ACBD6: variants seen among roughly 807,000 people sequenced by gnomAD.
The protein encoded by ACBD6 is acyl-CoA binding domain containing 6, also known as acyl-CoA-binding domain-containing protein 6.
A neutral mutation model predicts 37.2 loss-of-function variants in ACBD6; 28 were observed. The observed-to-expected ratio is 0.75, with a 90% CI of 0.56 to 1.03. The LOEUF (loss-of-function observed/expected upper bound fraction) is 1.03. Ranked by LOEUF, ACBD6 falls within the 50% of genes least tolerant of loss-of-function variation. The pLI is 0.00. For synonymous variants in ACBD6, 113 were observed against 126.8 expected (o/e 0.89, Z 0.73); for missense variants, 340 against 337.4 (o/e 1.01, Z -0.06).
At chr1:180,403,684 T>A (rs1429245978) in intron 5 of ACBD6, among the ~76,000 whole-genome samples, 1 of 152,174 alleles carries the variant, frequency 6.6e-6, no homozygotes, top group Non-Finnish European at 1.5e-5. Context: ...AAGGTGTCCA[T>A]CAATGGATAT....
chr1:180,336,251 CATAG>C (rs1366649939), intron 6 of ACBD6, among the ~76,000 whole-genome samples: 5 of 147,976 alleles, frequency 3.4e-5, no homozygotes, highest in African/African-American at 1.3e-4. Context: ...AAACTGATCA[CATAG>C]TTGGAAGTAA....
intron 3 of ACBD6, among the ~76,000 whole-genome samples, chr1:180,446,017 G>A (rs1228910823): frequency 6.6e-6 from 1 of 150,892 alleles, no homozygotes; most frequent in African/African-American, 2.4e-5. Context: ...ACTTTTTTTT[G>A]GGGGGGATGG....
At chr1:180,389,813 T>C (rs575915928) in intron 6 of ACBD6, among the ~76,000 whole-genome samples, 2 of 152,346 alleles carry the variant, frequency 1.3e-5, no homozygotes, top group Admixed American at 1.3e-4. Context: ...TTGAGAAGTG[T>C]CTGTTCATGT....
At chr1:180,415,944 G>A (rs147271310) in intron 4 of ACBD6, among the ~76,000 whole-genome samples, 291 of 152,102 alleles carry the variant, frequency 1.9e-3, no homozygotes, top group African/African-American at 6.5e-3. Context: ...TTTGTTTATC[G>A]TATATAGTTT....
intron 2 of ACBD6, among the ~76,000 whole-genome samples, chr1:180,494,988 T>C (rs536193747): frequency 6.6e-6 from 1 of 152,282 alleles, no homozygotes; most frequent in African/African-American, 2.4e-5. Flanking sequence ...TAAGCAGTTA[T>C]TTACTGTGGC....
intron 4 of ACBD6, among the ~76,000 whole-genome samples, chr1:180,415,194 C>T (rs1041869627): frequency 1.3e-5 from 2 of 151,980 alleles, no homozygotes; most frequent in African/African-American, 4.8e-5. Flanking sequence ...GTCAGGAGTT[C>T]GAAACTAGCC....
intron 7 of ACBD6, among the ~76,000 whole-genome samples, chr1:180,304,320 C>T (rs1650258815): frequency 6.6e-6 from 1 of 150,650 alleles, no homozygotes; most frequent in Admixed American, 6.6e-5. Flanking sequence ...TCAAATTGTC[C>T]CTGTTTGCAG....
intron 5 of ACBD6, among the ~76,000 whole-genome samples, chr1:180,407,870 C>T (rs1647688435): frequency 6.6e-6 from 1 of 152,130 alleles, no homozygotes; most frequent in African/African-American, 2.4e-5. Flanking sequence ...TATTAACAGG[C>T]ACCATATAGT....
exon 10 of ACBD6, chr1:180,274,749 G>T (rs966247344): frequency 2.7e-6 from 2 of 744,498 alleles, no homozygotes; most frequent in Admixed American, 2.9e-5. Context: ...CTAGGGCATT[G>T]TTTCCCTGGG....
chr1:180,320,100 G>A (rs972417139), intron 6 of ACBD6, among the ~76,000 whole-genome samples: 3 of 152,140 alleles, frequency 2.0e-5, no homozygotes, highest in African/African-American at 4.8e-5. Flanking sequence ...CATAGTGGCT[G>A]TACTAATTTA....
intron 3 of ACBD6, among the ~76,000 whole-genome samples, chr1:180,479,231 A>ATTT (rs1650926848): frequency 6.6e-6 from 1 of 152,250 alleles, no homozygotes; most frequent in African/African-American, 2.4e-5. Flanking sequence ...AATGGCAAAG[A>ATTT]TAAAAAGTCA....
At chr1:180,444,252 C>G (rs957661706) in intron 3 of ACBD6, among the ~76,000 whole-genome samples, 4 of 150,702 alleles carry the variant, frequency 2.7e-5, no homozygotes, top group African/African-American at 9.8e-5. Flanking sequence ...CCACTGCACT[C>G]CAGTCTGGGC....
chr1:180,333,200 A>G (rs1651556041), intron 6 of ACBD6, among the ~76,000 whole-genome samples: 1 of 152,230 alleles, frequency 6.6e-6, no homozygotes, highest in Non-Finnish European at 1.5e-5. Flanking sequence ...ATTATACGTA[A>G]CATAATTTTA....
At chr1:180,476,695 G>A (rs181533333) in intron 3 of ACBD6, among the ~76,000 whole-genome samples, 68 of 152,088 alleles carry the variant, frequency 4.5e-4, no homozygotes, top group Admixed American at 6.5e-4. Flanking sequence ...GCGTGGTGGC[G>A]GGCACCTGTA....
At chr1:180,341,620 G>A (rs1411494013) in intron 6 of ACBD6, among the ~76,000 whole-genome samples, 2 of 151,982 alleles carry the variant, frequency 1.3e-5, no homozygotes, top group African/African-American at 4.8e-5. Context: ...TCATGAAAGC[G>A]TTGTCTATAC....
chr1:180,386,923 T>C (rs1653867595), intron 6 of ACBD6, among the ~76,000 whole-genome samples: 1 of 152,324 alleles, frequency 6.6e-6, no homozygotes, highest in African/African-American at 2.4e-5. Context: ...TGACCTCCTT[T>C]TACCATTCGA....
At chr1:180,406,266 C>T (rs1571466243) in intron 5 of ACBD6, among the ~76,000 whole-genome samples, 1 of 151,976 alleles carries the variant, frequency 6.6e-6, no homozygotes, top group East Asian at 1.9e-4. Context: ...AAAATATTTA[C>T]ATTATATACT....
In ACBD6 at chr1:180,502,055, C is replaced by G. The variant is rs768477570; in HGVS notation, c.212G>C (p.Arg71Thr). 2.5e-6 allele frequency: 4 copies of G among 1,613,660 alleles called. No homozygotes were observed. Among genetic ancestry groups the G allele is most frequent in the Non-Finnish European group, 3.4e-6 (4 of 1,179,858 alleles). Residue 71 changes from arginine to threonine, a missense_variant, in exon 1 of 8, where the codon AGG becomes ACG. Coordinates refer to ENST00000367595, the MANE Select transcript of ACBD6 (RefSeq NM_032360.4). ...SREQLLYLYA[R>T]YKQVKVGNCN... ...TCCCTGCTACTTTACCTGTTTGTAC[C>G]TGGCATACAGGTACAAGAGCTGCTC... is the stretch of plus-strand genomic sequence containing the variant.
Position 180,331,723 on chromosome 1 carries a change from A to T in ACBD6, c.664-17001T>A, listed in dbSNP as rs185122287. 6.6e-4 allele frequency among the ~76,000 whole-genome samples: 101 copies of T among 152,342 alleles called. 1 individual carries two copies. The highest frequency in any genetic ancestry group is 2.2e-3 in the African/African-American group (92 of 41,578). The stretch of plus-strand genomic sequence containing the variant: ...AGAGATGCATGAGGATATTTAAGGA[A>T]ATAGGGGACTTTGCAATTCCACTTC... On this transcript the variant is annotated intron_variant, in intron 6 of 7. Transcript: ENST00000367595.
Sources: gnomAD v4.1 joint callset for allele counts (sites outside exome capture counted in the v4.1 genomes callset) on GRCh38, gnomAD v4.1.1 for gene constraint, MANE v1.5 for transcripts, NCBI Gene and HGNC (gene_info 2026-07-23, HGNC 2026-07-21) for gene names.